Variants in EPHA5 observed in about 807,000 individuals in gnomAD.
EPHA5 encodes the protein EPH receptor A5, also known as ephrin type-A receptor 5.
In EPHA5, 60 loss-of-function variants were observed where a neutral mutation model predicts 105.0. That is an observed-to-expected ratio of 0.57 (90% CI 0.46 to 0.71). EPHA5 has a LOEUF of 0.71. EPHA5 is among the 30% of genes least tolerant of loss of function. The probability of loss-of-function intolerance (pLI) is 0.00; values close to 1 mark genes in which losing one functional copy is unlikely to be tolerated. For missense variants in EPHA5, 1,218 were observed against 1,274.7 expected (o/e 0.96, Z 0.68); for synonymous variants, 513 against 449.1 (o/e 1.14, Z -1.80).
intron 5 of EPHA5, among the ~76,000 whole-genome samples, chr4:65,466,371 A>C (rs1157120060): frequency 6.6e-6 from 1 of 152,218 alleles, no homozygotes; most frequent in African/African-American, 2.4e-5. Flanking sequence ...AGTGAGTGAG[A>C]AAGCATTGGG....
chr4:65,421,815 T>C (rs1321177146), intron 5 of EPHA5, among the ~76,000 whole-genome samples: 4 of 152,118 alleles, frequency 2.6e-5, no homozygotes, highest in African/African-American at 9.7e-5. Flanking sequence ...ATTTAATGAA[T>C]ATTTGTTGAA....
intron 3 of EPHA5, among the ~76,000 whole-genome samples, chr4:65,593,291 G>T (rs541225507): frequency 6.6e-6 from 1 of 152,030 alleles, no homozygotes; most frequent in Non-Finnish European, 1.5e-5. Flanking sequence ...ATGCACAATG[G>T]CTCTAAAAAC....
chr4:65,447,192 G>A (rs1264113287), intron 5 of EPHA5, among the ~76,000 whole-genome samples: 1 of 151,752 alleles, frequency 6.6e-6, no homozygotes, highest in Non-Finnish European at 1.5e-5. Flanking sequence ...TGAGAACAAT[G>A]GATTGCGGGT....
chr4:65,498,769 C>T (rs974443997), intron 3 of EPHA5, among the ~76,000 whole-genome samples: 2 of 151,486 alleles, frequency 1.3e-5, no homozygotes, highest in African/African-American at 4.8e-5. Context: ...ATATGTAAGG[C>T]ATTATTTAAT....
chr4:65,645,406 A>G (rs1171304811), intron 1 of EPHA5, among the ~76,000 whole-genome samples: 2 of 152,136 alleles, frequency 1.3e-5, no homozygotes, highest in Non-Finnish European at 2.9e-5. Context: ...TAATGACGGC[A>G]ATCAAATTGA....
intron 5 of EPHA5, among the ~76,000 whole-genome samples, chr4:65,437,750 A>T (rs1189100317): frequency 2.6e-5 from 4 of 151,958 alleles, no homozygotes. Context: ...CCAGTGCCTC[A>T]ATATAGTCAT....
chr4:65,600,065 A>T (rs1743567655), intron 3 of EPHA5, among the ~76,000 whole-genome samples: 1 of 152,180 alleles, frequency 6.6e-6, no homozygotes, highest in Non-Finnish European at 1.5e-5. Flanking sequence ...ACGTTGTTTT[A>T]TAATACTAAT....
intron 3 of EPHA5, among the ~76,000 whole-genome samples, chr4:65,536,382 G>A (rs886284301): frequency 8.6e-5 from 13 of 151,800 alleles, no homozygotes; most frequent in Non-Finnish European, 1.9e-4. Flanking sequence ...ATGTGTTATA[G>A]GAAAGCAAAT....
intron 2 of EPHA5, among the ~76,000 whole-genome samples, chr4:65,626,359 C>G (rs958296418): frequency 1.3e-5 from 2 of 152,078 alleles, no homozygotes; most frequent in African/African-American, 4.8e-5. Flanking sequence ...GAATTGCTTA[C>G]TTATGTTTTT....
chr4:65,332,858 C>T (rs979854303), intron 15 of EPHA5, among the ~76,000 whole-genome samples: 1 of 151,896 alleles, frequency 6.6e-6, no homozygotes, highest in Non-Finnish European at 1.5e-5. Flanking sequence ...AACTTATCGA[C>T]TTCCTAGAGG....
intron 1 of EPHA5, among the ~76,000 whole-genome samples, chr4:65,646,851 AC>A: frequency 6.6e-6 from 1 of 152,180 alleles, no homozygotes; most frequent in Non-Finnish European, 1.5e-5. Context: ...AGAATATCTG[AC>A]TATATAACAC....
intron 8 of EPHA5, among the ~76,000 whole-genome samples, chr4:65,373,226 C>T (rs746310775): frequency 2.4e-4 from 36 of 151,678 alleles, no homozygotes; most frequent in Non-Finnish European, 4.0e-4. Context: ...TGGAGCAGTT[C>T]GTGATTATAT....
At chr4:65,628,669 TA>T (rs1307475521) in intron 2 of EPHA5, among the ~76,000 whole-genome samples, 1 of 152,154 alleles carries the variant, frequency 6.6e-6, no homozygotes, top group Non-Finnish European at 1.5e-5. Flanking sequence ...AACAGCAAAC[TA>T]GAGAAGTTTG....
At chr4:65,391,353 T>C (rs1211474139) in intron 8 of EPHA5, among the ~76,000 whole-genome samples, 2 of 152,128 alleles carry the variant, frequency 1.3e-5, no homozygotes, top group Non-Finnish European at 2.9e-5. Flanking sequence ...ATTCAGCTGC[T>C]TGAGATTGAG....
intron 3 of EPHA5, among the ~76,000 whole-genome samples, chr4:65,502,206 A>T (rs1406966990): frequency 6.6e-6 from 1 of 151,694 alleles, no homozygotes; most frequent in Non-Finnish European, 1.5e-5. Flanking sequence ...AAAAGAATGT[A>T]TGACTAAGTC....
chr4:65,475,212 A>G (rs1729675262), intron 5 of EPHA5, among the ~76,000 whole-genome samples: 1 of 152,180 alleles, frequency 6.6e-6, no homozygotes, highest in Non-Finnish European at 1.5e-5. Flanking sequence ...GGGGGAATAG[A>G]ATACTCTAAA....
At chr4:65,632,683 A>G (rs902913187) in intron 2 of EPHA5, among the ~76,000 whole-genome samples, 2 of 152,084 alleles carry the variant, frequency 1.3e-5, no homozygotes, top group African/African-American at 4.8e-5. Flanking sequence ...AGGTGAAGAC[A>G]AAAAGGTCTT....
rs1553942409 is a variant in EPHA5 at position 65,573,656 on chromosome 4, G to C, written c.910+27985C>G. 9.4e-6 allele frequency: 15 copies of C among 1,601,550 alleles called. No individual in the cohort carries two copies. In the South Asian group the frequency reaches 1.1e-4, roughly 12 times the overall value. On this transcript the variant is annotated intron_variant, in intron 3 of 16. Coordinates refer to ENST00000613740, the MANE Select transcript of EPHA5 (RefSeq NM_001281766.3). ...CCCGATCTGCCATGTATTCCAGAAAGGCCATGTACAAGAGGAAGTACTCAG... is the reference window on the plus strand; with the variant it reads ...CCCGATCTGCCATGTATTCCAGAAACGCCATGTACAAGAGGAAGTACTCAG...
intron 3 of EPHA5, among the ~76,000 whole-genome samples, chr4:65,591,754 T>C (rs571606549): frequency 7.7e-4 from 117 of 152,228 alleles, no homozygotes; most frequent in African/African-American, 2.8e-3. Context: ...ACAGCTTTTC[T>C]TCTGTTCATT....
Sources: allele counts gnomAD v4.1 joint callset (sites outside exome capture counted in the v4.1 genomes callset), GRCh38; gene constraint gnomAD v4.1.1; transcripts MANE v1.5; gene names NCBI Gene and HGNC (gene_info 2026-07-23, HGNC 2026-07-21).